Variants in USH1C observed in about 807,000 individuals in gnomAD.
USH1C encodes the protein USH1 protein network component harmonin.
Under a neutral mutation model 119.3 loss-of-function variants are expected in USH1C, and 90 were observed. The ratio of observed to expected loss-of-function variants is 0.75; its 90% confidence interval spans 0.64 to 0.90. USH1C has a LOEUF of 0.90. Among genes scored for constraint, USH1C ranks in the 40% least tolerant of loss-of-function variants. The probability of loss-of-function intolerance (pLI) is 0.00; values close to 1 mark genes in which losing one functional copy is unlikely to be tolerated. For synonymous variants in USH1C, 465 were observed against 443.3 expected (o/e 1.05, Z -0.62); for missense variants, 1,165 against 1,167.7 (o/e 1.00, Z 0.03).
At chr11:17,524,827 T>G (rs2133886778) in intron 8 of USH1C, among the ~76,000 whole-genome samples, 1 of 152,108 alleles carries the variant, frequency 6.6e-6, no homozygotes, top group East Asian at 1.9e-4. Flanking sequence ...TTCTATAAGG[T>G]TTTTACCAGA....
chr11:17,512,195 G>A lies in USH1C; in HGVS notation c.1261-141C>T, dbSNP rs1849925630. The A allele has an allele frequency of 1.9e-5, 18 of 945,118 alleles. No individual in the cohort carries two copies. The South Asian group carries it at 2.2e-4, about 12-fold the overall frequency. 58.5% of individuals were successfully genotyped at this position (945,118 alleles called of 1,614,324 possible). A position where few individuals can be genotyped will look rare whatever the true frequency, so the allele number is the denominator to read the frequency against. On this transcript the variant is annotated intron_variant, in intron 15 of 26. Transcript: ENST00000005226. ...AGCTCTCTCACCACTCTGGACATCAGACCTCAGGTTTAGGACAGGAAGGCC... is the reference window on the plus strand; with the variant it reads ...AGCTCTCTCACCACTCTGGACATCAAACCTCAGGTTTAGGACAGGAAGGCC...
intron 1 of USH1C, among the ~76,000 whole-genome samples, chr11:17,540,430 T>A (rs1004105935): frequency 6.6e-6 from 1 of 151,860 alleles, no homozygotes; most frequent in Non-Finnish European, 1.5e-5. Context: ...CTGTCCTAGG[T>A]CTCCTCTCCA....
chr11:17,519,020 T>A (rs1445576460), intron 14 of USH1C, among the ~76,000 whole-genome samples: 1 of 144,028 alleles, frequency 6.9e-6, no homozygotes, highest in Admixed American at 6.9e-5. Context: ...AAACTCTGTC[T>A]CAAGAAAAAA....
At chr11:17,502,618 C>T (rs564315048) in intron 20 of USH1C, among the ~76,000 whole-genome samples, 1 of 152,292 alleles carries the variant, frequency 6.6e-6, no homozygotes, top group South Asian at 2.1e-4. Flanking sequence ...GCAGGTTGGC[C>T]CTTTAGCTAG....
In USH1C at chr11:17,501,810, T is replaced by C. The variant is rs914457275; in HGVS notation, c.2226+129A>G. The C allele has an allele frequency of 4.5e-6, 5 of 1,114,660 alleles. No individual in the cohort carries two copies. In the African/African-American group the frequency reaches 4.7e-5, roughly 10 times the overall value. 69.0% of individuals were successfully genotyped at this position (1,114,660 alleles called of 1,614,324 possible). A position where few individuals can be genotyped will look rare whatever the true frequency, so the allele number is the denominator to read the frequency against. On this transcript the variant is annotated intron_variant, in intron 21 of 26. Coordinates refer to ENST00000005226, the MANE Select transcript of USH1C (RefSeq NM_153676.4). ...GTGGGAAGAGCAGCTGGGGCATCAC[T>C]GGGGCTCCTCTGTGCCCCACCTCAT... is the stretch of plus-strand genomic sequence containing the variant.
chr11:17,516,666 TC>T (rs1217968626), intron 14 of USH1C: 3 of 343,006 alleles, frequency 8.7e-6, no homozygotes, highest in Non-Finnish European at 1.7e-5. Context: ...CAAGGCCTTT[TC>T]TAACCCATGT....
chr11:17,528,934 G>A (rs1470473263), intron 4 of USH1C, among the ~76,000 whole-genome samples: 2 of 152,216 alleles, frequency 1.3e-5, no homozygotes, highest in Non-Finnish European at 2.9e-5. Context: ...CTGTTAATCG[G>A]ATGAGAAAAC....
At chr11:17,495,829 C>T in intron 25 of USH1C, 152 bp from the exon 26 acceptor site, 1 of 733,558 alleles carries the variant, frequency 1.4e-6, no homozygotes. Flanking sequence ...CTGGTTTCTC[C>T]AAGACATGTG....
At chr11:17,522,668 G>T in intron 12 of USH1C, 116 bp downstream of exon 12, 1 of 1,463,440 alleles carries the variant, frequency 6.8e-7, no homozygotes, top group Non-Finnish European at 9.5e-7. Flanking sequence ...CTGAGGACTG[G>T]CCTCCAGGGA....
At chr11:17,513,644 T>C (rs1313035208) in intron 15 of USH1C, among the ~76,000 whole-genome samples, 2 of 152,196 alleles carry the variant, frequency 1.3e-5, no homozygotes, top group African/African-American at 2.4e-5. Context: ...GCTTGGTTCC[T>C]TGCCTACCTT....
rs551491679 is a variant in USH1C, at chr11:17,504,675, A to G, written c.2156T>C (p.Met719Thr). Residue 719 changes from methionine (M) to threonine (T), a missense_variant, in exon 20 of 27, where the codon ATG becomes ACG. By Grantham distance (81) the Met-to-Thr change is moderately conservative. Transcript: ENST00000005226. ...TCTGAATGCTGTCTGATAAACCACC[A>G]TCCTCTTCAACATCTCCTGTGGCTG... ...EVLPQEMLKRMVVYQTAFRQD... is the reference protein window; with the variant it reads ...EVLPQEMLKRTVVYQTAFRQD... 1.2e-6 allele frequency: 2 copies of G among 1,613,818 alleles called. No individual in the cohort carries two copies. Among genetic ancestry groups the G allele is most frequent in the African/African-American group, 1.3e-5 (1 of 74,884 alleles).
intron 1 of USH1C, among the ~76,000 whole-genome samples, chr11:17,535,367 G>T (rs35176543): frequency 0.067 from 10,160 of 151,788 alleles, 573 homozygotes; most frequent in Middle Eastern, 0.099. Flanking sequence ...CCACTTCCCT[G>T]CCTGGCCACC....
intron 1 of USH1C, among the ~76,000 whole-genome samples, chr11:17,543,328 G>A (rs1379011399): frequency 6.6e-6 from 1 of 152,110 alleles, no homozygotes; most frequent in Non-Finnish European, 1.5e-5. Context: ...CTTTGGGAGA[G>A]CCTTGGGTCA....
chr11:17,506,023 A>C, intron 18 of USH1C, 74 bp from the exon 19 acceptor site: 1 of 1,605,562 alleles, frequency 6.2e-7, no homozygotes, highest in South Asian at 1.1e-5. Context: ...CTACTTCTAC[A>C]CACATGCAAA....
intron 20 of USH1C, among the ~76,000 whole-genome samples, chr11:17,503,931 T>C (rs2058004): frequency 5.0e-4 from 76 of 152,208 alleles, no homozygotes; most frequent in Non-Finnish European, 9.6e-4. Context: ...TCCCTGCCTG[T>C]AGTCAAATCA....
At position 17,524,441 on chromosome 11, in the gene USH1C, C is replaced by A. The variant is rs368528034; in HGVS notation, c.759+10G>T. 402 of 1,567,126 alleles carry A rather than the reference C, an allele frequency of 2.6e-4. No individual in the cohort carries two copies. Among genetic ancestry groups the A allele is most frequent in the Non-Finnish European group, 3.4e-4 (392 of 1,154,706 alleles). ...TGGGCCCCCACTGGGGCCGGCCCAG[C>A]GTCACTCACCTCCAATCCCACCTCA... On this transcript the variant is annotated intron_variant, in intron 9 of 26. Coordinates refer to ENST00000005226, the MANE Select transcript of USH1C (RefSeq NM_153676.4).
rs374515579 is a variant in USH1C, at chr11:17,531,256, G to C, written c.285C>G (p.Pro95=). Reference sequence around the variant, plus strand: ...CACGCACACTCAGGCCGAGGCCTTCGGGGTGCAGACGGTCCAGACGCACCT... The same window carrying C: ...CACGCACACTCAGGCCGAGGCCTTCCGGGTGCAGACGGTCCAGACGCACCT... ...LKEVRLDRLH[P]EGLGLSVRGG... is the part of the protein sequence containing the mutation. The change falls in exon 4 of 27, where the codon CCC becomes CCG. Residue 95 remains proline (P), a synonymous_variant. Coordinates refer to ENST00000005226, the MANE Select transcript of USH1C (RefSeq NM_153676.4). This position sits in a 1 kb window ranked among gnomAD's most constrained non-coding sequence, Gnocchi z 4.2. The C allele has an allele frequency of 7.4e-6, 12 of 1,613,966 alleles. No homozygotes were observed. The African/African-American group carries it at 9.3e-5, about 13-fold the overall frequency.
chr11:17,513,022 C>T (rs1049353988), intron 15 of USH1C, among the ~76,000 whole-genome samples: 2 of 152,162 alleles, frequency 1.3e-5, no homozygotes, highest in Admixed American at 6.5e-5. Context: ...GGGATTTATA[C>T]CAATGATCTC....
At chr11:17,540,534 A>G (rs1018861827) in intron 1 of USH1C, among the ~76,000 whole-genome samples, 1 of 152,106 alleles carries the variant, frequency 6.6e-6, no homozygotes, top group African/African-American at 2.4e-5. Context: ...TCCAGGCCAG[A>G]CCTACAGCCT....
Sources: gnomAD v4.1 joint callset for allele counts (sites outside exome capture counted in the v4.1 genomes callset) on GRCh38, gnomAD v4.1.1 for gene constraint, Gnocchi (gnomAD v3.1) non-coding constraint, MANE v1.5 for transcripts, NCBI Gene and HGNC (gene_info 2026-07-23, HGNC 2026-07-21) for gene names.